The following UBE3A variants were observed in gnomAD, a reference collection of about 807,000 sequenced individuals.
UBE3A encodes the protein ubiquitin protein ligase E3A, also known as ubiquitin-protein ligase E3A.
In UBE3A, 6 loss-of-function variants were observed where a neutral mutation model predicts 83.4. The observed-to-expected ratio is 0.07, with a 90% CI of 0.04 to 0.14. The LOEUF is 0.14. Among genes scored for constraint, UBE3A ranks in the 10% least tolerant of loss-of-function variants. The pLI is 1.00. For missense variants in UBE3A, 456 were observed against 1,036.1 expected, an observed-to-expected ratio of 0.44 and a Z score of 7.69; for synonymous variants, 337 against 355.4, an observed-to-expected ratio of 0.95 and a Z score of 0.58.
intron 11 of UBE3A, chr15:25,345,842 G>A (rs985626919): frequency 2.6e-5 from 4 of 151,926 alleles, no homozygotes; most frequent in African/African-American, 9.7e-5. Flanking sequence ...GGAGTAATTA[G>A]AAATGCAAGG....
At position 25,371,139 on chromosome 15, in the gene UBE3A, A is replaced by G. The variant is rs1765069583; in HGVS notation, c.1035T>C (p.Thr345=). ...RMMETFQQLI[T]YKVISNEFNS... is the part of the protein sequence containing the mutation. ...TAAATTCATTGCTTATGACTTTATA[A>G]GTAATAAGTTGCTGAAATGTCTCCA... Residue 345 remains threonine (T), a synonymous_variant, in exon 6 of 13, where the codon ACT becomes ACC. Coordinates refer to ENST00000648336, the MANE Select transcript of UBE3A (RefSeq NM_130839.5). This position sits in a 1 kb window ranked among gnomAD's most constrained non-coding sequence, Gnocchi z 5.3. 6.2e-7 allele frequency: 1 copy of G among 1,614,080 alleles called. No individual in the cohort carries two copies. Among genetic ancestry groups the G allele is most frequent in the Non-Finnish European group, 8.5e-7 (1 of 1,180,040 alleles).
intron 11 of UBE3A, among the ~76,000 whole-genome samples, chr15:25,351,405 A>G (rs372726515): frequency 1.3e-5 from 2 of 152,358 alleles, no homozygotes; most frequent in Admixed American, 6.5e-5. Flanking sequence ...AAAGCGAGTG[A>G]GACTTTTAAG....
intron 4 of UBE3A, among the ~76,000 whole-genome samples, chr15:25,400,778 A>G (rs1167605814): frequency 2.0e-5 from 3 of 152,144 alleles, no homozygotes; most frequent in Admixed American, 1.3e-4. Context: ...TTCCTTTCCT[A>G]CTGGGATGCC....
In UBE3A at chr15:25,337,256, G is replaced by T. The variant is rs904923182; in HGVS notation, c.*1881C>A. ...AACTGAAGAGCACACATTTCTTCAC[G>T]AATTTATTATATAAAACGCCCTCAG... On this transcript the variant is annotated 3_prime_UTR_variant, in exon 13 of 13. Coordinates refer to ENST00000648336, the MANE Select transcript of UBE3A (RefSeq NM_130839.5). The T allele has an allele frequency of 1.3e-5, 2 of 151,942 alleles. No homozygotes were observed. The highest frequency in any genetic ancestry group is 2.9e-5 in the Non-Finnish European group (2 of 67,966). 9.4% of individuals were successfully genotyped at this position (151,942 alleles called of 1,614,324 possible).
intron 11 of UBE3A, chr15:25,346,333 C>CCAT (rs1295412169): frequency 6.6e-6 from 1 of 152,434 alleles, no homozygotes; most frequent in African/African-American, 2.4e-5. Context: ...CAAAACAGCA[C>CCAT]CATAAAGCCT....
intron 1 of UBE3A, among the ~76,000 whole-genome samples, chr15:25,419,990 T>C (rs914830864): frequency 5.3e-5 from 8 of 151,794 alleles, no homozygotes; most frequent in Admixed American, 6.6e-5. Context: ...ATTAGACAAA[T>C]AGAAAACAAA....
intron 6 of UBE3A, among the ~76,000 whole-genome samples, chr15:25,367,242 A>C (rs1184155234): frequency 1.2e-4 from 9 of 77,940 alleles, no homozygotes; most frequent in East Asian, 5.2e-4. Flanking sequence ...TAAATATGTA[A>C]ATATTTGCAT....
At chr15:25,365,381 G>A (rs1256041358) in intron 6 of UBE3A, among the ~76,000 whole-genome samples, 4 of 152,038 alleles carry the variant, frequency 2.6e-5, no homozygotes, top group Non-Finnish European at 2.9e-5. Context: ...TTAATACCAT[G>A]AATATTTAAG....
chr15:25,380,735 T>C (rs1265647368), intron 4 of UBE3A, among the ~76,000 whole-genome samples: 1 of 152,226 alleles, frequency 6.6e-6, no homozygotes, highest in African/African-American at 2.4e-5. Context: ...TTTCTTCACA[T>C]TCCATTGACT....
chr15:25,389,618 G>A (rs139820969), intron 4 of UBE3A, among the ~76,000 whole-genome samples: 1,609 of 152,276 alleles, frequency 0.011, 25 homozygotes, highest in Middle Eastern at 0.034. Flanking sequence ...AAGGAGGCTG[G>A]GTGTGGTGGC....
At chr15:25,407,678 T>C (rs4906711) in intron 3 of UBE3A, 23,004 of 152,150 alleles carry the variant, frequency 0.15, 2,293 homozygotes, top group East Asian at 0.43. Context: ...CAATCCAGTA[T>C]AGAAGAAGAA....
intron 4 of UBE3A, among the ~76,000 whole-genome samples, chr15:25,405,095 CTAAT>C (rs1391287017): frequency 6.6e-6 from 1 of 152,178 alleles, no homozygotes; most frequent in Non-Finnish European, 1.5e-5. Context: ...AGGGTGAAAA[CTAAT>C]TATTACGCAT....
chr15:25,376,339 A>G (rs2081215661), intron 4 of UBE3A, among the ~76,000 whole-genome samples: 1 of 152,230 alleles, frequency 6.6e-6, no homozygotes, highest in Middle Eastern at 3.2e-3. Flanking sequence ...AGATAGTGTT[A>G]CACTGAAAGA....
intron 4 of UBE3A, among the ~76,000 whole-genome samples, chr15:25,383,030 G>C (rs772130805): frequency 3.3e-5 from 5 of 151,990 alleles, no homozygotes; most frequent in Non-Finnish European, 5.9e-5. Context: ...GAAAAAACTA[G>C]AGGACAGAAC....
chr15:25,341,874 T>TAATA (rs753888198), intron 11 of UBE3A, among the ~76,000 whole-genome samples: 188 of 151,892 alleles, frequency 1.2e-3, no homozygotes, highest in Non-Finnish European at 1.9e-3. Context: ...TTTGATATTC[T>TAATA]AATATCCCAA....
At chr15:25,359,621 T>A (rs1386764973) in intron 7 of UBE3A, among the ~76,000 whole-genome samples, 3 of 152,156 alleles carry the variant, frequency 2.0e-5, no homozygotes, top group Non-Finnish European at 2.9e-5. Flanking sequence ...AATTGTCATG[T>A]ACTCAATTTT....
At chr15:25,412,313 G>T (rs1012603226) in intron 1 of UBE3A, among the ~76,000 whole-genome samples, 5 of 152,070 alleles carry the variant, frequency 3.3e-5, no homozygotes, top group African/African-American at 1.2e-4. Context: ...AATACCTATA[G>T]CAATTTTGTT....
At chr15:25,362,825 T>TCAGTGTTTAAGTCACTGTA (rs1024261474) in intron 6 of UBE3A, among the ~76,000 whole-genome samples, 2 of 152,206 alleles carry the variant, frequency 1.3e-5, no homozygotes, top group Admixed American at 6.5e-5. Context: ...GTTAAAGATG[T>TCAGTGTTTAAGTCACTGTA]AAGTCAGTGT....
At chr15:25,385,967 T>C (rs985849423) in intron 4 of UBE3A, among the ~76,000 whole-genome samples, 4 of 152,062 alleles carry the variant, frequency 2.6e-5, no homozygotes, top group African/African-American at 9.7e-5. Context: ...CAAAGAGAAA[T>C]GATTTTCAAG....
Sources: allele counts gnomAD v4.1 joint callset (sites outside exome capture counted in the v4.1 genomes callset), GRCh38; gene constraint gnomAD v4.1.1; non-coding constraint Gnocchi (gnomAD v3.1); transcripts MANE v1.5; gene names NCBI Gene and HGNC (gene_info 2026-07-23, HGNC 2026-07-21).